The following TRPC4 variants were observed in gnomAD, a reference collection of about 807,000 sequenced individuals.
TRPC4 encodes the protein transient receptor potential cation channel subfamily C member 4.
Under a neutral mutation model 99.4 loss-of-function variants are expected in TRPC4, and 49 were observed. That is an observed-to-expected ratio of 0.49 (90% CI 0.39 to 0.63). The LOEUF is 0.63. TRPC4 is among the 20% of genes least tolerant of loss of function. The probability of loss-of-function intolerance (pLI) is 0.00; values close to 1 mark genes in which losing one functional copy is unlikely to be tolerated. For missense variants in TRPC4, 898 were observed against 1,152.9 expected, an observed-to-expected ratio of 0.78 and a Z score of 3.20; for synonymous variants, 454 against 425.9, an observed-to-expected ratio of 1.07 and a Z score of -0.81.
chr13:37,738,372 T>C (rs1259949676), intron 3 of TRPC4, among the ~76,000 whole-genome samples: 2 of 152,152 alleles, frequency 1.3e-5, no homozygotes, highest in Non-Finnish European at 2.9e-5. Flanking sequence ...CAGGCGAGTT[T>C]GATAATCAGA....
At chr13:37,745,428 A>C (rs1955710966) in intron 3 of TRPC4, among the ~76,000 whole-genome samples, 1 of 98,424 alleles carries the variant, frequency 1.0e-5, no homozygotes, top group South Asian at 4.0e-4. Flanking sequence ...ATTTATATAT[A>C]TATATGCGTA....
At position 37,651,428 on chromosome 13, in the gene TRPC4, C is replaced by T. The variant is rs1203390155; in HGVS notation, c.1916G>A (p.Arg639Gln). 1.2e-6 allele frequency: 2 copies of T among 1,613,988 alleles called. No individual in the cohort carries two copies. The highest frequency in any genetic ancestry group is 1.7e-6 in the Non-Finnish European group (2 of 1,179,942). ...DHADIEWKFA[R>Q]TKLWMSYFEE... is the part of the protein sequence containing the mutation. ...AAAATAACTCATCCAAAGCTTTGTT[C>T]GTGCAAATTTCCATTCTATATCTGC... Residue 639 changes from arginine (R) to glutamine (Q), a missense_variant, in exon 8 of 11, where the codon CGA becomes CAA. Arg to Gln is a conservative substitution (Grantham distance 43, BLOSUM62 1). This residue lies in a region of TRPC4 where 274 missense variants were observed against 454.9 expected (regional missense o/e 0.60). Coordinates refer to ENST00000379705, the MANE Select transcript of TRPC4 (RefSeq NM_016179.4).
chr13:37,795,260 G>C (rs1484915738), intron 1 of TRPC4, among the ~76,000 whole-genome samples: 1 of 152,098 alleles, frequency 6.6e-6, no homozygotes, highest in Non-Finnish European at 1.5e-5. Context: ...GATTTTGCAG[G>C]CTGAGGATGT....
chr13:37,663,083 T>C (rs546314218), intron 6 of TRPC4, among the ~76,000 whole-genome samples: 1 of 152,356 alleles, frequency 6.6e-6, no homozygotes, highest in African/African-American at 2.4e-5. Flanking sequence ...ACACATGTTC[T>C]ATCTTTTAAT....
At chr13:37,729,008 A>T (rs1955158028) in intron 3 of TRPC4, among the ~76,000 whole-genome samples, 1 of 152,128 alleles carries the variant, frequency 6.6e-6, no homozygotes, top group Non-Finnish European at 1.5e-5. Context: ...CCCTTGCCAT[A>T]CCAAAAATTA....
chr13:37,677,120 A>T (rs1953087096), intron 4 of TRPC4, among the ~76,000 whole-genome samples: 1 of 152,076 alleles, frequency 6.6e-6, no homozygotes, highest in African/African-American at 2.4e-5. Flanking sequence ...CTTATACTAC[A>T]CATAAAGCAG....
intron 2 of TRPC4, among the ~76,000 whole-genome samples, chr13:37,754,444 T>A (rs1259473412): frequency 6.6e-6 from 1 of 152,184 alleles, no homozygotes; most frequent in Non-Finnish European, 1.5e-5. Flanking sequence ...TGTGTTTTAC[T>A]TATTTTGCTC....
chr13:37,818,027 T>A (rs928345300), intron 1 of TRPC4, among the ~76,000 whole-genome samples: 4 of 151,738 alleles, frequency 2.6e-5, no homozygotes, highest in Non-Finnish European at 5.9e-5. Flanking sequence ...AAAGCAAAAA[T>A]GGACAAATGG....
chr13:37,689,882 G>A (rs956978168), intron 4 of TRPC4, among the ~76,000 whole-genome samples: 2 of 152,182 alleles, frequency 1.3e-5, no homozygotes, highest in Non-Finnish European at 1.5e-5. Context: ...TTCATTAGCA[G>A]AAGGGCTCTT....
intron 1 of TRPC4, among the ~76,000 whole-genome samples, chr13:37,846,070 C>A (rs1393483204): frequency 6.6e-6 from 1 of 151,914 alleles, no homozygotes; most frequent in Non-Finnish European, 1.5e-5. Flanking sequence ...GAATACTTTA[C>A]CAAATAAAGC....
At chr13:37,716,728 C>T (rs936359363) in intron 3 of TRPC4, among the ~76,000 whole-genome samples, 2 of 152,036 alleles carry the variant, frequency 1.3e-5, no homozygotes, top group Non-Finnish European at 2.9e-5. Flanking sequence ...AAAAACCACG[C>T]ACTCTCTCTA....
At chr13:37,736,142 A>G (rs1203361824) in intron 3 of TRPC4, among the ~76,000 whole-genome samples, 1 of 152,182 alleles carries the variant, frequency 6.6e-6, no homozygotes, top group African/African-American at 2.4e-5. Flanking sequence ...TAGGTTCCTG[A>G]GCCAGTCTGA....
In TRPC4 at chr13:37,655,228, A is replaced by G; in HGVS notation, c.1744T>C (p.Tyr582His). The G allele has an allele frequency of 6.2e-7, 1 of 1,608,616 alleles. No homozygotes were observed. Among genetic ancestry groups the G allele is most frequent in the Non-Finnish European group, 8.5e-7 (1 of 1,176,984 alleles). ...TGCTGTGCTTTGACATTGGTCACAT[A>G]TAAATTGATGAGCCCAAATATTGAC... ...FWSIFGLINL[Y>H]VTNVKAQHEF... is the part of the protein sequence containing the mutation. The change falls in exon 7 of 11, where the codon TAT becomes CAT. Residue 582 changes from tyrosine to histidine, a missense_variant. Transcript: ENST00000379705.
chr13:37,756,536 T>C (rs1009647706), intron 2 of TRPC4, among the ~76,000 whole-genome samples: 6 of 60,408 alleles, frequency 9.9e-5, no homozygotes, highest in Middle Eastern at 6.9e-3. Context: ...TTTTTTTTTC[T>C]TTTTTTTTTT....
intron 2 of TRPC4, among the ~76,000 whole-genome samples, chr13:37,779,841 A>G (rs1181081886): frequency 1.3e-4 from 20 of 152,186 alleles, no homozygotes; most frequent in Non-Finnish European, 5.9e-5. Context: ...TTTTCAAGGT[A>G]TAAACCTATC....
At chr13:37,801,280 G>A (rs144509403) in intron 1 of TRPC4, among the ~76,000 whole-genome samples, 6 of 152,226 alleles carry the variant, frequency 3.9e-5, no homozygotes, top group African/African-American at 1.2e-4. Context: ...GAGAATCTAT[G>A]TAAGTGATCT....
chr13:37,782,642 A>G (rs2139346847), intron 2 of TRPC4, among the ~76,000 whole-genome samples: 1 of 152,224 alleles, frequency 6.6e-6, no homozygotes, highest in South Asian at 2.1e-4. Flanking sequence ...TAAAGTTACG[A>G]GCAACCTATG....
At chr13:37,641,766 A>G (rs886592488) in intron 8 of TRPC4, among the ~76,000 whole-genome samples, 3 of 152,082 alleles carry the variant, frequency 2.0e-5, no homozygotes, top group African/African-American at 7.2e-5. Flanking sequence ...TAACTCTGAC[A>G]CCCTACCTCT....
chr13:37,676,277 A>G (rs1449529726), intron 4 of TRPC4, among the ~76,000 whole-genome samples: 3 of 152,160 alleles, frequency 2.0e-5, no homozygotes, highest in Non-Finnish European at 4.4e-5. Context: ...GAAAAAAAAA[A>G]AAAGGAAAAA....
Sources: allele counts gnomAD v4.1 joint callset (sites outside exome capture counted in the v4.1 genomes callset), GRCh38; gene constraint gnomAD v4.1.1; regional missense constraint gnomAD v4.1.1; transcripts MANE v1.5; gene names NCBI Gene and HGNC (gene_info 2026-07-23, HGNC 2026-07-21).